The following PHF24 variants were observed in gnomAD, a reference collection of about 807,000 sequenced individuals.
The protein encoded by PHF24 is Galpha inhibitory interacting protein.
In PHF24, 25 loss-of-function variants were observed where a neutral mutation model predicts 42.6. The observed-to-expected ratio is 0.59, with a 90% CI of 0.43 to 0.82. PHF24 has a LOEUF of 0.82. Ranked by LOEUF, PHF24 falls within the 40% of genes least tolerant of loss-of-function variation. The pLI, the probability that PHF24 is intolerant of heterozygous loss-of-function variation, is 0.00. For missense variants in PHF24, 470 were observed against 538.1 expected, an observed-to-expected ratio of 0.87 and a Z score of 1.25; for synonymous variants, 185 against 204.8, an observed-to-expected ratio of 0.90 and a Z score of 0.83.
the PHF24 span, among the ~76,000 whole-genome samples, chr9:34,866,022 T>C: frequency 1.8e-3 from 276 of 152,334 alleles, 1 homozygote; most frequent in African/African-American, 6.4e-3. Flanking sequence ...CCCTATTCAA[T>C]TGGTCAAAGA....
At chr9:34,869,737 A>G in the PHF24 span, among the ~76,000 whole-genome samples, 2 of 152,090 alleles carry the variant, frequency 1.3e-5, no homozygotes, top group African/African-American at 4.8e-5. Context: ...TTTTGGCTGC[A>G]ATAGTACCAA....
the PHF24 span, among the ~76,000 whole-genome samples, chr9:34,733,428 GT>G: frequency 6.6e-6 from 1 of 151,152 alleles, no homozygotes; most frequent in Non-Finnish European, 1.5e-5. Context: ...TTTATAATGA[GT>G]TTTTGCCACA....
chr9:34,826,370 T>A, the PHF24 span, among the ~76,000 whole-genome samples: 1 of 152,192 alleles, frequency 6.6e-6, no homozygotes, highest in Non-Finnish European at 1.5e-5. Context: ...GGCCCTTCCA[T>A]CTATGGCAGG....
the PHF24 span, among the ~76,000 whole-genome samples, chr9:34,932,126 C>G: frequency 6.6e-6 from 1 of 152,164 alleles, no homozygotes; most frequent in East Asian, 1.9e-4. Context: ...AGCCACCTGG[C>G]ATCTCCTAGG....
the PHF24 span, among the ~76,000 whole-genome samples, chr9:34,848,889 G>A: frequency 2.6e-5 from 4 of 152,138 alleles, no homozygotes; most frequent in Admixed American, 6.5e-5. Context: ...AGGTTGTTCA[G>A]TTTCCATGTA....
the PHF24 span, among the ~76,000 whole-genome samples, chr9:34,769,854 C>G: frequency 6.6e-6 from 1 of 152,010 alleles, no homozygotes; most frequent in Non-Finnish European, 1.5e-5. Flanking sequence ...GGCTTGCCTT[C>G]TTGAAAAAGA....
the PHF24 span, chr9:34,726,805 A>C: frequency 3.7e-5 from 58 of 1,551,658 alleles, no homozygotes; most frequent in Non-Finnish European, 4.5e-5. Flanking sequence ...AAGACATACT[A>C]GACGTAGACA....
the PHF24 span, among the ~76,000 whole-genome samples, chr9:34,904,391 A>AT: frequency 6.6e-6 from 1 of 152,076 alleles, no homozygotes; most frequent in Non-Finnish European, 1.5e-5. Flanking sequence ...ACATTAAGGT[A>AT]TGTCCCTTGT....
the PHF24 span, among the ~76,000 whole-genome samples, chr9:34,736,651 A>C: frequency 6.6e-6 from 1 of 152,220 alleles, no homozygotes; most frequent in East Asian, 1.9e-4. Flanking sequence ...AAAATCCAAG[A>C]AGCTCAGAGA....
the PHF24 span, among the ~76,000 whole-genome samples, chr9:34,831,086 A>G: frequency 6.6e-6 from 1 of 152,156 alleles, no homozygotes; most frequent in African/African-American, 2.4e-5. Context: ...TTAATAGGAC[A>G]CTTTCCAAAA....
chr9:34,910,443 G>T, the PHF24 span, among the ~76,000 whole-genome samples: 1 of 152,194 alleles, frequency 6.6e-6, no homozygotes, highest in Admixed American at 6.5e-5. Flanking sequence ...TAAGAGAGTA[G>T]ATTTTAAGTG....
chr9:34,717,079 C>T, the PHF24 span, among the ~76,000 whole-genome samples: 5 of 152,236 alleles, frequency 3.3e-5, no homozygotes, highest in African/African-American at 1.2e-4. Flanking sequence ...AGGCATTCAG[C>T]TCCTGGGGAG....
chr9:34,848,678 TG>T, the PHF24 span, among the ~76,000 whole-genome samples: 1 of 151,558 alleles, frequency 6.6e-6, no homozygotes, highest in Non-Finnish European at 1.5e-5. Flanking sequence ...TTCTAGTTCT[TG>T]TAATTGTGAT....
the PHF24 span, chr9:34,918,063 G>T: frequency 2.8e-6 from 4 of 1,405,018 alleles, no homozygotes; most frequent in Non-Finnish European, 4.0e-6. Flanking sequence ...CCTGGACAAG[G>T]CCCGACACCT....
At chr9:34,911,768 A>G in the PHF24 span, among the ~76,000 whole-genome samples, 1 of 152,116 alleles carries the variant, frequency 6.6e-6, no homozygotes. Context: ...TATCTCCCCC[A>G]CTGATTGTAA....
chr9:34,841,030 C>T, the PHF24 span, among the ~76,000 whole-genome samples: 4 of 151,882 alleles, frequency 2.6e-5, no homozygotes, highest in Admixed American at 1.3e-4. Flanking sequence ...GACAGAGTCT[C>T]GCTCTGTCCC....
the PHF24 span, among the ~76,000 whole-genome samples, chr9:34,859,176 A>G: frequency 4.6e-5 from 7 of 152,068 alleles, no homozygotes; most frequent in African/African-American, 1.2e-4. Context: ...TTTACTATAT[A>G]TATTTTCTCA....
exon 8 of PHF24, chr9:34,978,047 A>G (rs1488455001): frequency 2.5e-6 from 4 of 1,614,186 alleles, no homozygotes; most frequent in Non-Finnish European, 8.5e-7. Context: ...CTGCAAGAGA[A>G]TGTCCTCTAC....
chr9:34,908,900 T>C, the PHF24 span, among the ~76,000 whole-genome samples: 5 of 149,948 alleles, frequency 3.3e-5, no homozygotes, highest in Non-Finnish European at 5.9e-5. Flanking sequence ...TGGGCTGGAG[T>C]GCAGTGGTGC....
Sources: allele counts gnomAD v4.1 joint callset (sites outside exome capture counted in the v4.1 genomes callset), GRCh38; gene constraint gnomAD v4.1.1; transcripts MANE v1.5; gene names NCBI Gene and HGNC (gene_info 2026-07-23, HGNC 2026-07-21).